Variants in PLCG2 observed in about 807,000 individuals in gnomAD.
PLCG2 encodes 1-phosphatidylinositol 4,5-bisphosphate phosphodiesterase gamma-2.
Under a neutral mutation model 175.6 loss-of-function variants are expected in PLCG2, and 69 were observed. That is an observed-to-expected ratio of 0.39 (90% confidence interval 0.32 to 0.48). The LOEUF is 0.48. Ranked by LOEUF, PLCG2 falls within the 20% of genes least tolerant of loss-of-function variation. The probability of loss-of-function intolerance (pLI) is 0.91; values close to 1 mark genes in which losing one functional copy is unlikely to be tolerated. For synonymous variants in PLCG2, 827 were observed against 624.0 expected (o/e 1.33, Z -4.85); for missense variants, 1,798 against 1,650.9 (o/e 1.09, Z -1.54).
At chr16:81,904,403 C>T (rs1909276050) in intron 14 of PLCG2, among the ~76,000 whole-genome samples, 1 of 152,238 alleles carries the variant, frequency 6.6e-6, no homozygotes, top group Admixed American at 6.5e-5. Flanking sequence ...CCTCAACTTA[C>T]AGACGCTTGC....
intron 2 of PLCG2, among the ~76,000 whole-genome samples, chr16:81,840,669 A>AC (rs1191590740): frequency 6.6e-6 from 1 of 152,172 alleles, no homozygotes; most frequent in Non-Finnish European, 1.5e-5. Flanking sequence ...TGATGATCTG[A>AC]CAGGAGGTGG....
intron 19 of PLCG2, among the ~76,000 whole-genome samples, chr16:81,913,507 C>G (rs564151220): frequency 6.6e-6 from 1 of 152,232 alleles, no homozygotes; most frequent in East Asian, 1.9e-4. Flanking sequence ...AGATGCAGGC[C>G]TGTCCGTCTC....
At chr16:81,895,546 C>T (rs572135500) in intron 12 of PLCG2, 76 of 409,476 alleles carry the variant, frequency 1.9e-4, no homozygotes, top group Middle Eastern at 6.9e-4. Context: ...GGCAACAGAG[C>T]GAGACTCTGT....
chr16:81,912,521 T>G, intron 18 of PLCG2, 76 bp from the exon 19 acceptor site: 29 of 1,558,378 alleles, frequency 1.9e-5, no homozygotes, highest in Non-Finnish European at 2.3e-5. Flanking sequence ...GGTGCCATTA[T>G]CTTGTCCTCT....
In PLCG2 at chr16:81,905,384, G is replaced by T; in HGVS notation, c.1363-19G>T. 1 of 1,577,602 alleles carries T rather than the reference G, an allele frequency of 6.3e-7. No individual in the cohort carries two copies. Among genetic ancestry groups the T allele is most frequent in the Non-Finnish European group, 8.7e-7 (1 of 1,147,262 alleles). ...TTGGGTCTCCATGGAGACAGCCTAT[G>T]TATATGTTTTCCCCTCAGCATAAGA... On this transcript the variant is annotated intron_variant, in intron 14 of 32. Coordinates refer to ENST00000564138, the MANE Select transcript of PLCG2 (RefSeq NM_002661.5).
intron 8 of PLCG2, among the ~76,000 whole-genome samples, 172 bp downstream of exon 8, chr16:81,881,125 G>A (rs531173915): frequency 6.6e-6 from 1 of 152,386 alleles, no homozygotes; most frequent in African/African-American, 2.4e-5. Context: ...ATAGAGATGA[G>A]CAGTAGCAAC....
At chr16:81,816,583 A>T (rs992552412) in intron 2 of PLCG2, among the ~76,000 whole-genome samples, 1 of 141,342 alleles carries the variant, frequency 7.1e-6, no homozygotes, top group Non-Finnish European at 1.5e-5. Flanking sequence ...GGCTCAAATG[A>T]TCCTCCTCCC....
At chr16:81,837,662 C>CA (rs1406803545) in intron 2 of PLCG2, among the ~76,000 whole-genome samples, 1 of 150,730 alleles carries the variant, frequency 6.6e-6, no homozygotes, top group Non-Finnish European at 1.5e-5. Flanking sequence ...ATGACAAGAA[C>CA]ATCTGTTTGG....
chr16:81,868,696 C>G (rs1363527053), intron 5 of PLCG2, among the ~76,000 whole-genome samples: 1 of 152,230 alleles, frequency 6.6e-6, no homozygotes, highest in African/African-American at 2.4e-5. Context: ...ATGTCAACAC[C>G]TATATTGGGC....
At chr16:81,919,111 CTGTAGCTG>C (rs1352607574) in intron 19 of PLCG2, among the ~76,000 whole-genome samples, 2 of 152,112 alleles carry the variant, frequency 1.3e-5, no homozygotes, top group African/African-American at 4.8e-5. Context: ...AACAAATGAA[CTGTAGCTG>C]TGTTTCAATA....
At chr16:81,910,420 GGTTGT>G in intron 17 of PLCG2, 95 bp from the exon 18 acceptor site, 3 of 1,019,596 alleles carry the variant, frequency 2.9e-6, no homozygotes, top group Non-Finnish European at 4.5e-6. Flanking sequence ...GCAGAGGGAA[GGTTGT>G]GTGGCCACAT....
At chr16:81,851,635 C>G (rs1200975898) in intron 2 of PLCG2, among the ~76,000 whole-genome samples, 2 of 152,194 alleles carry the variant, frequency 1.3e-5, no homozygotes, top group Non-Finnish European at 2.9e-5. Context: ...GCCTCATCCT[C>G]CCAAGTAGCT....
intron 20 of PLCG2, 139 bp from the exon 21 acceptor site, chr16:81,921,059 G>A (rs1021241538): frequency 1.4e-5 from 8 of 581,700 alleles, no homozygotes; most frequent in African/African-American, 9.4e-5. Context: ...CTACTCATGG[G>A]CCAAAAGAAA....
chr16:81,740,077 G>A (rs1046676920), intron 1 of PLCG2, among the ~76,000 whole-genome samples: 27 of 141,316 alleles, frequency 1.9e-4, no homozygotes, highest in African/African-American at 6.8e-4. Context: ...GGTGGGGGTT[G>A]CAGTGAGCTG....
chr16:81,929,712 A>G (rs1300410970), intron 24 of PLCG2, among the ~76,000 whole-genome samples: 1 of 152,220 alleles, frequency 6.6e-6, no homozygotes. Context: ...CCACATTTAT[A>G]ACCTGCTTCT....
intron 2 of PLCG2, among the ~76,000 whole-genome samples, chr16:81,836,425 C>T (rs1393082799): frequency 6.6e-6 from 1 of 152,146 alleles, no homozygotes; most frequent in African/African-American, 2.4e-5. Flanking sequence ...TCGTTTCATC[C>T]TTCCCTTGGT....
chr16:81,848,772 A>G lies in PLCG2; in HGVS notation c.194-5672A>G, dbSNP rs548140787. Among the ~76,000 whole-genome samples, 109 of 152,258 alleles carry G rather than the reference A, an allele frequency of 7.2e-4. 1 individual carries two copies. In the Middle Eastern group the frequency reaches 0.01, roughly 14 times the overall value. On this transcript the variant is annotated intron_variant, in intron 2 of 32. Coordinates refer to ENST00000564138, the MANE Select transcript of PLCG2 (RefSeq NM_002661.5). ...GCTCAGTGGTGAAGAAGGGTGTACAATCCCTGCGTGTATGGAGCTTACAGT... is the reference window on the plus strand; with the variant it reads ...GCTCAGTGGTGAAGAAGGGTGTACAGTCCCTGCGTGTATGGAGCTTACAGT...
rs1409268363 is a variant in PLCG2 at position 81,779,439 on chromosome 16, C to T, written c.-48+15C>T. On this transcript the variant is annotated intron_variant, in intron 1 of 32. Coordinates refer to ENST00000564138, the MANE Select transcript of PLCG2 (RefSeq NM_002661.5). The stretch of plus-strand genomic sequence containing the variant: ...GGCACGGCCAGGTGAGCTGCCCGGC[C>T]GGGAGCGAGGCAGGCAGGGCGCCCA... 2.0e-5 allele frequency: 3 copies of T among 151,532 alleles called. No homozygotes were observed. Among genetic ancestry groups the T allele is most frequent in the Admixed American group, 6.6e-5 (1 of 15,216 alleles). The allele number at this position is 151,532 out of a possible 1,614,324, so 9.4% of individuals were successfully genotyped here. A position where few individuals can be genotyped will look rare whatever the true frequency, so the allele number is the denominator to read the frequency against.
At chr16:81,771,583 T>C (rs1441633544) in intron 2 of PLCG2, among the ~76,000 whole-genome samples, 3 of 152,130 alleles carry the variant, frequency 2.0e-5, no homozygotes, top group South Asian at 4.1e-4. Context: ...TCTGTGATAG[T>C]AAATGCCTCT....
Sources: allele counts gnomAD v4.1 joint callset (sites outside exome capture counted in the v4.1 genomes callset), GRCh38; gene constraint gnomAD v4.1.1; transcripts MANE v1.5; gene names NCBI Gene and HGNC (gene_info 2026-07-23, HGNC 2026-07-21).